The following TBC1D5 variants were observed in gnomAD, a reference collection of about 807,000 sequenced individuals.
The protein encoded by TBC1D5 is TBC1 domain family, member 5.
Under a neutral mutation model 100.3 loss-of-function variants are expected in TBC1D5, and 75 were observed. That is an observed-to-expected ratio of 0.75 (90% CI 0.62 to 0.91). The LOEUF is 0.91. Among genes scored for constraint, TBC1D5 ranks in the 40% least tolerant of loss-of-function variants. The probability of loss-of-function intolerance (pLI) is 0.00; values close to 1 mark genes in which losing one functional copy is unlikely to be tolerated. For missense variants in TBC1D5, 910 were observed against 942.4 expected, an observed-to-expected ratio of 0.97 and a Z score of 0.45; for synonymous variants, 323 against 325.6, an observed-to-expected ratio of 0.99 and a Z score of 0.09.
chr3:17,719,007 T>A (rs2075469803), intron 1 of TBC1D5, among the ~76,000 whole-genome samples: 1 of 152,202 alleles, frequency 6.6e-6, no homozygotes, highest in Non-Finnish European at 1.5e-5. Flanking sequence ...TATCAATAAT[T>A]CCTTGGTATC....
intron 1 of TBC1D5, among the ~76,000 whole-genome samples, chr3:17,728,049 A>G (rs2076263036): frequency 6.6e-6 from 1 of 152,200 alleles, no homozygotes; most frequent in Admixed American, 6.5e-5. Context: ...AACTATGTCA[A>G]GAGAAACCCA....
intron 17 of TBC1D5, among the ~76,000 whole-genome samples, chr3:17,220,729 A>G (rs2074181376): frequency 6.6e-6 from 1 of 152,026 alleles, no homozygotes; most frequent in Non-Finnish European, 1.5e-5. Flanking sequence ...GAACTCCTTA[A>G]GCCAGTGGCT....
intron 13 of TBC1D5, among the ~76,000 whole-genome samples, chr3:17,330,623 TC>T (rs2086749941): frequency 6.6e-6 from 1 of 152,146 alleles, no homozygotes; most frequent in Admixed American, 6.6e-5. Flanking sequence ...CCCAAGCCCA[TC>T]TTTTCCACCT....
chr3:17,224,434 C>T (rs1446318814), intron 17 of TBC1D5, among the ~76,000 whole-genome samples: 3 of 152,122 alleles, frequency 2.0e-5, no homozygotes, highest in African/African-American at 7.2e-5. Context: ...ATCAGCCTGA[C>T]ATGAAGACAA....
At chr3:17,462,829 T>C (rs1236771674) in intron 3 of TBC1D5, among the ~76,000 whole-genome samples, 1 of 152,180 alleles carries the variant, frequency 6.6e-6, no homozygotes, top group East Asian at 1.9e-4. Context: ...CCTGGCATTG[T>C]TTCTTATTTC....
At chr3:17,652,222 G>A (rs1228899795) in intron 1 of TBC1D5, among the ~76,000 whole-genome samples, 1 of 151,994 alleles carries the variant, frequency 6.6e-6, no homozygotes, top group Non-Finnish European at 1.5e-5. Context: ...ACTCTCATTT[G>A]CCATCTTATC....
intron 4 of TBC1D5, among the ~76,000 whole-genome samples, chr3:17,424,669 A>G (rs2094296721): frequency 1.3e-5 from 2 of 152,198 alleles, no homozygotes; most frequent in Non-Finnish European, 2.9e-5. Flanking sequence ...CTATTACTCA[A>G]GCATCAAATA....
chr3:17,545,433 C>T (rs2096405318), intron 2 of TBC1D5, among the ~76,000 whole-genome samples: 1 of 152,162 alleles, frequency 6.6e-6, no homozygotes, highest in Non-Finnish European at 1.5e-5. Flanking sequence ...GTTGTTTAAG[C>T]CACTAAGTTT....
intron 3 of TBC1D5, among the ~76,000 whole-genome samples, chr3:17,498,078 T>C (rs1007908702): frequency 3.9e-5 from 6 of 152,144 alleles, no homozygotes; most frequent in Admixed American, 6.5e-5. Context: ...TTTCATAATA[T>C]TAATTTTTAT....
chr3:17,224,601 C>A (rs2074646508), intron 17 of TBC1D5, among the ~76,000 whole-genome samples: 2 of 148,528 alleles, frequency 1.3e-5, no homozygotes, highest in African/African-American at 5.3e-5. Flanking sequence ...AACTAACGAA[C>A]AGTCAAATTT....
Position 17,380,507 on chromosome 3 carries a change from G to A in TBC1D5, c.612+3406C>T, listed in dbSNP as rs527257405. 6.6e-5 allele frequency among the ~76,000 whole-genome samples: 10 copies of A among 152,022 alleles called. No homozygotes were observed. In the East Asian group the frequency reaches 1.9e-3, roughly 29 times the overall value. On this transcript the variant is annotated intron_variant, in intron 9 of 21. Coordinates refer to ENST00000253692, the Ensembl canonical transcript of TBC1D5. ...CATGAATTCAATATGCTACAAATTT[G>A]ACAAAACGTAATAGAAAATAATGTA...
chr3:17,249,862 A>G (rs552315885), intron 16 of TBC1D5, among the ~76,000 whole-genome samples: 23 of 152,336 alleles, frequency 1.5e-4, no homozygotes, highest in African/African-American at 5.3e-4. Context: ...GCTGTCTTAT[A>G]TGGGTGCAGT....
At chr3:17,680,867 T>G (rs1366525814) in intron 1 of TBC1D5, among the ~76,000 whole-genome samples, 1 of 151,406 alleles carries the variant, frequency 6.6e-6, no homozygotes, top group Non-Finnish European at 1.5e-5. Context: ...ATCTATTTAA[T>G]TAGTCCAGAA....
intron 5 of TBC1D5, among the ~76,000 whole-genome samples, chr3:17,406,104 T>G (rs1288470588): frequency 1.3e-5 from 2 of 152,102 alleles, no homozygotes; most frequent in Non-Finnish European, 2.9e-5. Context: ...CACTGCCTTT[T>G]CTTGCAAATC....
intron 3 of TBC1D5, among the ~76,000 whole-genome samples, chr3:17,462,500 T>C (rs2095232823): frequency 6.6e-6 from 1 of 152,026 alleles, no homozygotes; most frequent in Non-Finnish European, 1.5e-5. Flanking sequence ...TTTATTTTTT[T>C]GTAGAGATGG....
intron 16 of TBC1D5, among the ~76,000 whole-genome samples, chr3:17,243,574 C>T (rs922873242): frequency 2.6e-5 from 4 of 151,846 alleles, no homozygotes; most frequent in Non-Finnish European, 5.9e-5. Context: ...TTAAAATAAT[C>T]TCAACAGGCT....
At chr3:17,709,422 A>G (rs2153926817) in intron 1 of TBC1D5, among the ~76,000 whole-genome samples, 1 of 152,254 alleles carries the variant, frequency 6.6e-6, no homozygotes, top group Admixed American at 6.5e-5. Flanking sequence ...CCCACCCTAA[A>G]TCCACAGAAA....
chr3:17,487,282 T>C (rs991955770), intron 3 of TBC1D5, among the ~76,000 whole-genome samples: 18 of 152,174 alleles, frequency 1.2e-4, no homozygotes, highest in African/African-American at 4.3e-4. Context: ...TTGACAGGTA[T>C]ACTAAGATTT....
chr3:17,553,516 C>CT (rs1459347049), intron 2 of TBC1D5, among the ~76,000 whole-genome samples: 1 of 152,170 alleles, frequency 6.6e-6, no homozygotes, highest in African/African-American at 2.4e-5. Context: ...TCCTGCAAGT[C>CT]TAACAGCACA....
Sources: gnomAD v4.1 joint callset for allele counts (sites outside exome capture counted in the v4.1 genomes callset) on GRCh38, gnomAD v4.1.1 for gene constraint, MANE v1.5 for transcripts, NCBI Gene and HGNC (gene_info 2026-07-23, HGNC 2026-07-21) for gene names.